AKAP13: variants seen among roughly 807,000 people sequenced by gnomAD.
AKAP13 encodes the protein A-kinase anchor protein 13.
In AKAP13, 80 loss-of-function variants were observed where a neutral mutation model predicts 264.5. The ratio of observed to expected loss-of-function variants is 0.30; its 90% confidence interval spans 0.25 to 0.36. The LOEUF is 0.36. AKAP13 is among the 10% of genes least tolerant of loss of function. The probability of loss-of-function intolerance (pLI) is 1.00; values close to 1 mark genes in which losing one functional copy is unlikely to be tolerated. For missense variants in AKAP13, 3,712 were observed against 3,435.2 expected (o/e 1.08, Z -2.01); for synonymous variants, 1,380 against 1,250.2 (o/e 1.10, Z -2.19).
intron 1 of AKAP13, among the ~76,000 whole-genome samples, chr15:85,465,318 G>A (rs2074689041): frequency 6.6e-6 from 1 of 151,814 alleles, no homozygotes; most frequent in African/African-American, 2.4e-5. Context: ...ATCTTTTAAA[G>A]GCAAATATTT....
At chr15:85,742,353 A>G (rs563209965) in intron 35 of AKAP13, among the ~76,000 whole-genome samples, 55 of 152,348 alleles carry the variant, frequency 3.6e-4, no homozygotes, top group African/African-American at 1.3e-3. Flanking sequence ...CACACCAAGA[A>G]TAAAAGAGCC....
In AKAP13 at chr15:85,710,604, A is replaced by G. The variant is rs149414196; in HGVS notation, c.5558A>G (p.His1853Arg). 5 of 1,614,090 alleles carry G rather than the reference A, an allele frequency of 3.1e-6. No individual in the cohort carries two copies. Among genetic ancestry groups the G allele is most frequent in the East Asian group, 4.5e-5 (2 of 44,874 alleles). The change falls in exon 19 of 37, where the codon CAT becomes CGT. Residue 1853 changes from histidine to arginine, a missense_variant. His to Arg is a conservative substitution (Grantham distance 29). Coordinates refer to ENST00000394518, the MANE Select transcript of AKAP13 (RefSeq NM_007200.5). ...MKQPKGSLQA[H>R]DTSSLPTVIM... Reference sequence around the variant, plus strand: ...CAGCCCAAAGGGAGCCTTCAGGCACATGACACATCATCACTGCCCACGGTC... The same window carrying G: ...CAGCCCAAAGGGAGCCTTCAGGCACGTGACACATCATCACTGCCCACGGTC...
At chr15:85,418,064 TATC>T (rs1051236580) in intron 1 of AKAP13, among the ~76,000 whole-genome samples, 2 of 125,522 alleles carry the variant, frequency 1.6e-5, no homozygotes, top group Admixed American at 7.9e-5. Flanking sequence ...TTATTATTAT[TATC>T]ATTATTATTA....
intron 26 of AKAP13, chr15:85,726,196 C>A: frequency 2.2e-6 from 1 of 445,264 alleles, no homozygotes. Flanking sequence ...GTGATAAATC[C>A]CATTTTAAAA....
At chr15:85,440,206 G>T (rs947359884) in intron 1 of AKAP13, among the ~76,000 whole-genome samples, 1 of 152,084 alleles carries the variant, frequency 6.6e-6, no homozygotes, top group African/African-American at 2.4e-5. Context: ...ACACACAATG[G>T]TCATCTCCTC....
intron 16 of AKAP13, among the ~76,000 whole-genome samples, chr15:85,692,650 G>A (rs929673855): frequency 1.2e-4 from 19 of 152,108 alleles, no homozygotes; most frequent in Non-Finnish European, 2.6e-4. Flanking sequence ...TTGAAAATTA[G>A]GGCAAAGTTA....
intron 16 of AKAP13, among the ~76,000 whole-genome samples, chr15:85,691,669 C>G (rs2085294494): frequency 6.6e-6 from 1 of 152,194 alleles, no homozygotes; most frequent in Non-Finnish European, 1.5e-5. Context: ...AGTGCCCCCA[C>G]TGTTCACCCA....
At position 85,580,839 on chromosome 15, in the gene AKAP13, A is replaced by T; in HGVS notation, c.2771A>T (p.Gln924Leu). 2 of 1,614,156 alleles carry T rather than the reference A, an allele frequency of 1.2e-6. No individual in the cohort carries two copies. Among genetic ancestry groups the T allele is most frequent in the Non-Finnish European group, 1.7e-6 (2 of 1,180,034 alleles). ...LLVVSESSAA[Q>L]EQDKDKAVTC... ...GTGGTTTCAGAAAGCTCTGCAGCTC[A>T]GGAACAAGATAAGGATAAAGCGGTG... Residue 924 changes from glutamine (Q) to leucine (L), a missense_variant, in exon 7 of 37, where the codon CAG becomes CTG. Gln to Leu is a moderately radical substitution (Grantham distance 113). This residue lies in a region of AKAP13 where 2,759 missense variants were observed against 2,411.7 expected (regional missense o/e 1.14). Coordinates refer to ENST00000394518, the MANE Select transcript of AKAP13 (RefSeq NM_007200.5).
chr15:85,649,492 T>A (rs1011220114), intron 10 of AKAP13, among the ~76,000 whole-genome samples: 1 of 152,220 alleles, frequency 6.6e-6, no homozygotes, highest in Non-Finnish European at 1.5e-5. Context: ...CTCTTCTCCA[T>A]CTCTAAAAAA....
At chr15:85,427,198 G>A (rs62022067) in intron 1 of AKAP13, among the ~76,000 whole-genome samples, 20,567 of 151,834 alleles carry the variant, frequency 0.14, 1,778 homozygotes, top group Non-Finnish European at 0.2. Context: ...CTTGTGATCC[G>A]CCCGCCTCGG....
rs1204787204 is a variant in AKAP13, at chr15:85,499,623, C to T, written c.33+13870C>T. 2.0e-5 allele frequency among the ~76,000 whole-genome samples: 3 copies of T among 152,096 alleles called. 1 individual carries two copies. The highest frequency in any genetic ancestry group is 7.2e-5 in the African/African-American group (3 of 41,412). On this transcript the variant is annotated intron_variant, in intron 2 of 36. Transcript: ENST00000394518. Reference sequence around the variant, plus strand: ...TTCAGCCATGTGAAACTGTTAACGGCATCTCTTCCTCTCTCTGAACTGCAC... The same window carrying T: ...TTCAGCCATGTGAAACTGTTAACGGTATCTCTTCCTCTCTCTGAACTGCAC...
At chr15:85,646,075 C>A in intron 10 of AKAP13, 121 bp downstream of exon 10, 1 of 1,250,930 alleles carries the variant, frequency 8.0e-7, no homozygotes, top group Non-Finnish European at 1.1e-6. Context: ...AAATATGTAA[C>A]TCCTGCTAGT....
At chr15:85,717,430 A>C (rs915811504) in intron 21 of AKAP13, 28 bp downstream of exon 21, 1 of 1,502,950 alleles carries the variant, frequency 6.7e-7, no homozygotes, top group African/African-American at 1.4e-5. Context: ...CCTTTATTTT[A>C]TGCCTCTGTA....
Position 85,718,016 on chromosome 15 carries a change from C to T in AKAP13, c.5858C>T (p.Thr1953Ile). 1 of 1,613,932 alleles carries T rather than the reference C, an allele frequency of 6.2e-7. No homozygotes were observed. Among genetic ancestry groups the T allele is most frequent in the Non-Finnish European group, 8.5e-7 (1 of 1,179,888 alleles). The change falls in exon 22 of 37, where the codon ACA becomes ATA. Residue 1953 changes from threonine to isoleucine, a missense_variant. By Grantham distance (89) the Thr-to-Ile change is moderately conservative. Transcript: ENST00000394518. The surrounding 1 kb of genome is among the most constrained non-coding windows in gnomAD (Gnocchi z 4.9). ...TESLTDEGVG[T>I]DMNEGQLLGD... ...TTTTTGATATATTGAGGAGTAGGTA[C>T]AGACATGAATGAAGGACAACTACTG... is the stretch of plus-strand genomic sequence containing the variant.
chr15:85,409,378 A>C (rs2071832441), intron 1 of AKAP13, among the ~76,000 whole-genome samples: 1 of 151,212 alleles, frequency 6.6e-6, no homozygotes, highest in Non-Finnish European at 1.5e-5. Flanking sequence ...GGGTTTCATC[A>C]TGTTGTCTAG....
intron 1 of AKAP13, chr15:85,415,543 C>T: frequency 1.4e-6 from 2 of 1,469,224 alleles, no homozygotes; most frequent in South Asian, 1.1e-5. Flanking sequence ...AAGGAAAACA[C>T]AATAAGAAGA....
intron 1 of AKAP13, among the ~76,000 whole-genome samples, chr15:85,476,467 A>G (rs116697701): frequency 0.01 from 1,529 of 152,358 alleles, 20 homozygotes; most frequent in Middle Eastern, 0.054. Context: ...CTGAAAGGCT[A>G]TCATGTAATT....
intron 17 of AKAP13, among the ~76,000 whole-genome samples, chr15:85,704,154 C>T (rs1304660133): frequency 6.6e-6 from 1 of 152,148 alleles, no homozygotes; most frequent in African/African-American, 2.4e-5. Flanking sequence ...GTAGGCAGAA[C>T]AGTCAGAAGT....
intron 1 of AKAP13, among the ~76,000 whole-genome samples, chr15:85,484,505 T>G (rs921761440): frequency 6.6e-6 from 1 of 152,242 alleles, no homozygotes; most frequent in Non-Finnish European, 1.5e-5. Context: ...GAAAGCCACT[T>G]GCTTGTCAGT....
Sources: gnomAD v4.1 joint callset for allele counts (sites outside exome capture counted in the v4.1 genomes callset) on GRCh38, gnomAD v4.1.1 for gene constraint, gnomAD v4.1.1 regional missense constraint, Gnocchi (gnomAD v3.1) non-coding constraint, MANE v1.5 for transcripts, NCBI Gene and HGNC (gene_info 2026-07-23, HGNC 2026-07-21) for gene names.